Variants in SRPK2 observed in about 807,000 individuals in gnomAD.
SRPK2 encodes the protein SRSF protein kinase 2.
SRPK2 carries 21 observed loss-of-function variants against 90.8 expected under a neutral mutation model. The ratio of observed to expected loss-of-function variants is 0.23; its 90% CI spans 0.16 to 0.33. The LOEUF (loss-of-function observed/expected upper bound fraction) is 0.33. SRPK2 is among the 10% of genes least tolerant of loss of function. SRPK2 has a pLI of 1.00. For synonymous variants in SRPK2, 288 were observed against 311.1 expected, an observed-to-expected ratio of 0.93 and a Z score of 0.78; for missense variants, 620 against 869.0, an observed-to-expected ratio of 0.71 and a Z score of 3.60.
At chr7:105,378,080 C>T (rs943926092) in intron 2 of SRPK2, among the ~76,000 whole-genome samples, 2 of 152,148 alleles carry the variant, frequency 1.3e-5, no homozygotes, top group East Asian at 1.9e-4. Flanking sequence ...TTACCACACC[C>T]TGCACTCCAG....
chr7:105,258,342 G>C lies in SRPK2; in HGVS notation c.72-54557C>G, dbSNP rs570420751. On this transcript the variant is annotated intron_variant, in intron 2 of 15. Coordinates refer to ENST00000393651, the MANE Select transcript of SRPK2 (RefSeq NM_182692.3). ...TGAGACAGGAGAATTGCTTGAACCC[G>C]GGAGGCAGAGGTAATAGTGAGCCGA... Among the ~76,000 whole-genome samples the C allele has an allele frequency of 3.1e-3, 461 of 150,076 alleles. 2 individuals carry two copies. The highest frequency in any genetic ancestry group is 0.018 in the South Asian group (84 of 4,718).
chr7:105,163,394 G>A (rs532537045), intron 6 of SRPK2, among the ~76,000 whole-genome samples: 4 of 152,298 alleles, frequency 2.6e-5, no homozygotes, highest in African/African-American at 4.8e-5. Flanking sequence ...GGACAATACC[G>A]CAAATAAATC....
chr7:105,115,085 A>G (rs1799549921), downstream of SRPK2, among the ~76,000 whole-genome samples: 1 of 152,232 alleles, frequency 6.6e-6, no homozygotes, highest in South Asian at 2.1e-4. Flanking sequence ...AGAAATATGC[A>G]TACAGAAGCT....
chr7:105,144,361 C>T (rs1804241660), intron 9 of SRPK2, among the ~76,000 whole-genome samples: 2 of 151,816 alleles, frequency 1.3e-5, no homozygotes, highest in African/African-American at 4.8e-5. Context: ...CTGCCTTAGC[C>T]TCCTGAGTAG....
chr7:105,259,043 C>A (rs6973338), intron 2 of SRPK2, among the ~76,000 whole-genome samples: 1 of 151,904 alleles, frequency 6.6e-6, no homozygotes, highest in African/African-American at 2.4e-5. Flanking sequence ...CCAGGGCAGT[C>A]AGGCAGGAAA....
chr7:105,364,691 C>A (rs904030055), intron 2 of SRPK2, among the ~76,000 whole-genome samples: 26 of 152,004 alleles, frequency 1.7e-4, no homozygotes, highest in African/African-American at 4.3e-4. Context: ...GGAGAGCCAC[C>A]GCGCCTGGCC....
chr7:105,388,880 T>C lies in SRPK2; in HGVS notation c.-74A>G. ...CGCCGAGACGAGCTGGGCTGCAGCC[T>C]CCACTCGCTCCGCCGGCCGGGAGGA... On this transcript the variant is annotated 5_prime_UTR_variant, in exon 1 of 16. Coordinates refer to ENST00000393651, the MANE Select transcript of SRPK2 (RefSeq NM_182692.3). The C allele has an allele frequency of 1.6e-6, 2 of 1,247,872 alleles. No homozygotes were observed. Among genetic ancestry groups the C allele is most frequent in the Non-Finnish European group, 2.0e-6 (2 of 1,000,230 alleles). 77.3% of individuals were successfully genotyped at this position (1,247,872 alleles called of 1,614,324 possible).
At chr7:105,134,929 G>A (rs953171740) in intron 11 of SRPK2, among the ~76,000 whole-genome samples, 4 of 152,152 alleles carry the variant, frequency 2.6e-5, no homozygotes, top group African/African-American at 7.2e-5. Flanking sequence ...CCAAAGGCCA[G>A]GTATGAGCTC....
chr7:105,143,340 G>A lies in SRPK2; in HGVS notation c.814-10C>T, dbSNP rs760450715. 10 of 1,607,938 alleles carry A rather than the reference G, an allele frequency of 6.2e-6. No homozygotes were observed. The highest frequency in any genetic ancestry group is 1.3e-5 in the African/African-American group (1 of 74,428). ...TAGATATTTTTCCTATCTATGTTAA[G>A]GAAAGACCACAGGTCAGTATTCTTC... On this transcript the variant is annotated splice_polypyrimidine_tract_variant and intron_variant, in intron 9 of 15. Transcript: ENST00000393651.
intron 3 of SRPK2, among the ~76,000 whole-genome samples, chr7:105,196,067 G>A (rs1794878942): frequency 6.6e-6 from 1 of 152,198 alleles, no homozygotes; most frequent in Non-Finnish European, 1.5e-5. Flanking sequence ...GCTATTTAAA[G>A]CTTGTATCAT....
At chr7:105,390,612 T>TG (rs1395537818), upstream of SRPK2, among the ~76,000 whole-genome samples, 3,586 of 130,622 alleles carry the variant, frequency 0.027, 91 homozygotes, top group African/African-American at 0.083. Context: ...TTTTTGTTTT[T>TG]TTTTTTTTTT....
In SRPK2 at chr7:105,376,567, T is replaced by A. The variant is rs1252741899; in HGVS notation, c.71+12081A>T. Among the ~76,000 whole-genome samples the A allele has an allele frequency of 3.4e-5, 5 of 148,578 alleles. No individual in the cohort carries two copies. In the South Asian group the frequency reaches 8.5e-4, roughly 25 times the overall value. On this transcript the variant is annotated intron_variant, in intron 2 of 15. Coordinates refer to ENST00000393651, the MANE Select transcript of SRPK2 (RefSeq NM_182692.3). ...TTTTTGGTGAGGGGAGGGTATAGAG[T>A]CTCACTCTGTTGCCCAGGCTTGAAT...
chr7:105,322,966 A>G (rs1315231673), intron 2 of SRPK2, among the ~76,000 whole-genome samples: 1 of 152,136 alleles, frequency 6.6e-6, no homozygotes, highest in East Asian at 1.9e-4. Flanking sequence ...TGGGAGGCCC[A>G]GGTGGGTGGA....
intron 2 of SRPK2, among the ~76,000 whole-genome samples, chr7:105,272,018 G>T (rs1321416942): frequency 6.6e-6 from 1 of 152,008 alleles, no homozygotes; most frequent in Admixed American, 6.6e-5. Context: ...GTAAATCTTA[G>T]AACCTTCTAG....
intron 11 of SRPK2, among the ~76,000 whole-genome samples, chr7:105,134,614 C>T (rs567034342): frequency 2.9e-4 from 44 of 152,320 alleles, no homozygotes; most frequent in Admixed American, 1.6e-3. Context: ...GGGGTACATA[C>T]GAGCTGTGAA....
intron 2 of SRPK2, among the ~76,000 whole-genome samples, chr7:105,257,440 A>G (rs771113385): frequency 6.6e-6 from 1 of 152,362 alleles, no homozygotes; most frequent in African/African-American, 2.4e-5. Flanking sequence ...GCTGACATGC[A>G]AAATTATCTT....
intron 2 of SRPK2, among the ~76,000 whole-genome samples, chr7:105,214,570 C>T (rs552883785): frequency 6.6e-6 from 1 of 152,128 alleles, no homozygotes; most frequent in African/African-American, 2.4e-5. Context: ...TATGGCACAA[C>T]CATACAAAAC....
At chr7:105,126,969 T>C (rs927543506) in intron 14 of SRPK2, 24 bp downstream of exon 14, 5 of 1,612,710 alleles carry the variant, frequency 3.1e-6, no homozygotes, top group Non-Finnish European at 4.2e-6. Flanking sequence ...TAGACCGAGG[T>C]ATTCAGCAGG....
At chr7:105,398,532 T>C (rs1275264125) in intron 1 of SRPK2, among the ~76,000 whole-genome samples, 2 of 152,102 alleles carry the variant, frequency 1.3e-5, no homozygotes, top group Admixed American at 6.6e-5. Context: ...TACAGGCATA[T>C]GCCACCACGC....
Sources: allele counts gnomAD v4.1 joint callset (sites outside exome capture counted in the v4.1 genomes callset), GRCh38; gene constraint gnomAD v4.1.1; transcripts MANE v1.5; gene names NCBI Gene and HGNC (gene_info 2026-07-23, HGNC 2026-07-21).